TCF7L2: variants seen among roughly 807,000 people sequenced by gnomAD.
The protein encoded by TCF7L2 is transcription factor 7 like 2.
A neutral mutation model predicts 77.9 loss-of-function variants in TCF7L2; 23 were observed. The ratio of observed to expected loss-of-function variants is 0.30; its 90% CI spans 0.21 to 0.42. TCF7L2 has a LOEUF of 0.42. Ranked by LOEUF, TCF7L2 falls within the 10% of genes least tolerant of loss-of-function variation. The probability of loss-of-function intolerance (pLI) is 1.00; values close to 1 mark genes in which losing one functional copy is unlikely to be tolerated. For missense variants in TCF7L2, 654 were observed against 793.1 expected, an observed-to-expected ratio of 0.82 and a Z score of 2.11; for synonymous variants, 413 against 340.2, an observed-to-expected ratio of 1.21 and a Z score of -2.36.
chr10:113,042,930 G>A (rs1417927780), intron 5 of TCF7L2, among the ~76,000 whole-genome samples: 12 of 152,156 alleles, frequency 7.9e-5, no homozygotes, highest in Admixed American at 7.2e-4. Context: ...TAGAGTCGCC[G>A]ATGAAGGGCT....
chr10:112,967,750 C>T (rs2037317321), intron 4 of TCF7L2, among the ~76,000 whole-genome samples: 1 of 152,022 alleles, frequency 6.6e-6, no homozygotes, highest in Non-Finnish European at 1.5e-5. Flanking sequence ...ATTCTCCTGC[C>T]TCAGCCTCCC....
At chr10:113,060,437 T>G (rs923800781) in intron 5 of TCF7L2, among the ~76,000 whole-genome samples, 2 of 152,142 alleles carry the variant, frequency 1.3e-5, no homozygotes, top group Non-Finnish European at 2.9e-5. Flanking sequence ...CCGAATGCAC[T>G]CGAGTTGTTT....
chr10:113,137,391 G>A (rs536863004), intron 5 of TCF7L2, among the ~76,000 whole-genome samples: 10 of 152,154 alleles, frequency 6.6e-5, no homozygotes, highest in Non-Finnish European at 1.5e-4. Context: ...AATACTTTAC[G>A]TGCAAGTTCT....
chr10:112,980,811 A>G lies in TCF7L2; in HGVS notation c.450+16187A>G, dbSNP rs957389251. Among the ~76,000 whole-genome samples the G allele has an allele frequency of 2.6e-5, 4 of 152,086 alleles. No individual in the cohort carries two copies. In the East Asian group the frequency reaches 7.7e-4, roughly 29 times the overall value. ...CCGGCTAATTTTTTGTATTTTTAGT[A>G]GAGACGGGGTTTCACAGTATTAGCC... On this transcript the variant is annotated intron_variant, in intron 4 of 13. Coordinates refer to ENST00000627217, the MANE Select transcript of TCF7L2 (RefSeq NM_001146274.2).
At chr10:113,027,553 C>T (rs1226085463) in intron 4 of TCF7L2, among the ~76,000 whole-genome samples, 1 of 152,124 alleles carries the variant, frequency 6.6e-6, no homozygotes, top group African/African-American at 2.4e-5. Flanking sequence ...ACAAAACAGC[C>T]CTCTGTGTCC....
chr10:113,017,405 C>T (rs1000324300), intron 4 of TCF7L2, among the ~76,000 whole-genome samples: 1 of 152,240 alleles, frequency 6.6e-6, no homozygotes, highest in Non-Finnish European at 1.5e-5. Context: ...GCTCAGCATC[C>T]CATGTGCCCA....
chr10:113,139,995 A>G (rs1335136336), intron 5 of TCF7L2, among the ~76,000 whole-genome samples: 1 of 152,200 alleles, frequency 6.6e-6, no homozygotes, highest in Non-Finnish European at 1.5e-5. Context: ...AAGGAAATGA[A>G]GACACGTTCT....
chr10:113,055,926 T>A (rs947074951), intron 5 of TCF7L2, among the ~76,000 whole-genome samples: 9 of 152,274 alleles, frequency 5.9e-5, no homozygotes, highest in Admixed American at 5.9e-4. Context: ...GGAAATTAGG[T>A]TTTTTTGGTA....
At chr10:113,136,352 A>G (rs140475749) in intron 5 of TCF7L2, among the ~76,000 whole-genome samples, 2 of 152,256 alleles carry the variant, frequency 1.3e-5, no homozygotes, top group Admixed American at 6.5e-5. Context: ...AAGGTGTTCT[A>G]AGCTGATGGT....
chr10:112,976,670 G>C (rs2039479062), intron 4 of TCF7L2, among the ~76,000 whole-genome samples: 1 of 152,198 alleles, frequency 6.6e-6, no homozygotes, highest in African/African-American at 2.4e-5. Context: ...GTAACAAAGT[G>C]TGCTTTTAGA....
chr10:112,989,820 A>C (rs2042208581), intron 4 of TCF7L2, among the ~76,000 whole-genome samples: 2 of 152,188 alleles, frequency 1.3e-5, no homozygotes, highest in Non-Finnish European at 2.9e-5. Flanking sequence ...GTGGTGTTTC[A>C]GGGGGTTCTG....
At chr10:113,072,035 T>A (rs956517164) in intron 5 of TCF7L2, among the ~76,000 whole-genome samples, 3 of 150,538 alleles carry the variant, frequency 2.0e-5, no homozygotes, top group African/African-American at 4.8e-5. Flanking sequence ...TAAAAATTTT[T>A]AATTTTATTT....
At chr10:113,144,775 A>G (rs290491) in intron 7 of TCF7L2, among the ~76,000 whole-genome samples, 3 of 152,204 alleles carry the variant, frequency 2.0e-5, no homozygotes, top group Non-Finnish European at 2.9e-5. Context: ...TATTTGACTA[A>G]CTTTTGCAAC....
chr10:113,073,017 T>G (rs995182644), intron 5 of TCF7L2, among the ~76,000 whole-genome samples: 1 of 151,942 alleles, frequency 6.6e-6, no homozygotes, highest in African/African-American at 2.4e-5. Flanking sequence ...AGAGCAACTA[T>G]GCTGTTCATG....
At chr10:113,024,161 G>A (rs897779222) in intron 4 of TCF7L2, among the ~76,000 whole-genome samples, 1 of 151,978 alleles carries the variant, frequency 6.6e-6, no homozygotes, top group Admixed American at 6.6e-5. Context: ...AGCTAGGCAT[G>A]GTGGGATGCA....
rs148311674 is a variant in TCF7L2 at position 113,143,752 on chromosome 10, G to GA, written c.686-167dup. 1.9e-3 allele frequency among the ~76,000 whole-genome samples: 285 copies of GA among 152,254 alleles called. 4 individuals carry two copies. The South Asian group carries it at 0.027, about 14-fold the overall frequency. On this transcript the variant is annotated intron_variant, in intron 6 of 13. Transcript: ENST00000627217. ...CTAATTTTTCAAACTGAGGCTGAGG[G>GA]AAAATGAGATGAAACCTACCAACAA...
intron 5 of TCF7L2, among the ~76,000 whole-genome samples, chr10:113,051,215 A>G (rs2054382922): frequency 6.9e-6 from 1 of 144,310 alleles, no homozygotes; most frequent in African/African-American, 2.6e-5. Context: ...ACACACACAC[A>G]CACACACACA....
intron 5 of TCF7L2, chr10:113,127,062 C>A: frequency 5.8e-6 from 2 of 342,340 alleles, no homozygotes; most frequent in Non-Finnish European, 8.3e-6. Context: ...TGGTAAGCTG[C>A]CGGGGTGGAT....
chr10:113,119,591 C>A (rs1306523186), intron 5 of TCF7L2, among the ~76,000 whole-genome samples: 3 of 151,680 alleles, frequency 2.0e-5, no homozygotes, highest in African/African-American at 4.8e-5. Context: ...TTATAACTTG[C>A]AAGCAAAAAA....
Sources: allele counts gnomAD v4.1 joint callset (sites outside exome capture counted in the v4.1 genomes callset), GRCh38; gene constraint gnomAD v4.1.1; transcripts MANE v1.5; gene names NCBI Gene and HGNC (gene_info 2026-07-23, HGNC 2026-07-21).